MAGI2: variants seen among roughly 807,000 people sequenced by gnomAD.
MAGI2 encodes membrane-associated guanylate kinase, WW and PDZ domain-containing protein 2.
MAGI2 carries 35 observed loss-of-function variants against 133.3 expected under a neutral mutation model. The observed-to-expected ratio is 0.26, with a 90% CI of 0.20 to 0.35. MAGI2 has a LOEUF of 0.35. MAGI2 is among the 10% of genes least tolerant of loss of function. The pLI, the probability that MAGI2 is intolerant of heterozygous loss-of-function variation, is 1.00. For missense variants in MAGI2, 1,636 were observed against 1,863.4 expected, an observed-to-expected ratio of 0.88 and a Z score of 2.25; for synonymous variants, 729 against 710.6, an observed-to-expected ratio of 1.03 and a Z score of -0.41.
chr7:78,639,233 T>C (rs749154442), intron 2 of MAGI2, among the ~76,000 whole-genome samples: 2 of 152,198 alleles, frequency 1.3e-5, no homozygotes, highest in Non-Finnish European at 1.5e-5. Context: ...GTCTACAGAG[T>C]ATCAGAAAAT....
At chr7:78,144,041 G>T (rs573700385) in intron 16 of MAGI2, among the ~76,000 whole-genome samples, 166 of 151,540 alleles carry the variant, frequency 1.1e-3, no homozygotes, top group African/African-American at 3.7e-3. Flanking sequence ...CAATTTAAGA[G>T]ACTTATAGCA....
chr7:78,823,803 G>A (rs2151430642), intron 2 of MAGI2, among the ~76,000 whole-genome samples: 1 of 152,148 alleles, frequency 6.6e-6, no homozygotes, highest in African/African-American at 2.4e-5. Context: ...TGGCAAATAA[G>A]CAATCAAGTC....
intron 3 of MAGI2, among the ~76,000 whole-genome samples, chr7:78,610,686 T>C (rs1032913718): frequency 1.3e-5 from 2 of 152,228 alleles, no homozygotes; most frequent in Non-Finnish European, 2.9e-5. Context: ...TTTCCAAACT[T>C]GTTTGACCAC....
chr7:78,137,672 C>T (rs111824802), intron 16 of MAGI2, among the ~76,000 whole-genome samples: 219 of 152,262 alleles, frequency 1.4e-3, no homozygotes, highest in Admixed American at 2.1e-3. Context: ...GTGGATTAGA[C>T]AGACACTGGA....
At chr7:78,125,365 A>G (rs10486841) in intron 20 of MAGI2, among the ~76,000 whole-genome samples, 17,874 of 152,294 alleles carry the variant, frequency 0.12, 1,386 homozygotes, top group Non-Finnish European at 0.18. Context: ...TTCAACCTTA[A>G]TCAAAACAGA....
At chr7:79,412,710 A>G (rs935239557) in intron 1 of MAGI2, 5 of 152,150 alleles carry the variant, frequency 3.3e-5, no homozygotes, top group African/African-American at 1.2e-4. Flanking sequence ...GTAACACAAT[A>G]ATTTCACATT....
At chr7:79,113,062 T>C (rs1262874489) in intron 1 of MAGI2, among the ~76,000 whole-genome samples, 9 of 152,240 alleles carry the variant, frequency 5.9e-5, no homozygotes, top group Non-Finnish European at 2.9e-5. Context: ...TTATTGTCTA[T>C]GCTTTGGCAG....
At chr7:79,367,858 C>CACATATATATATATATATATATATAT in intron 1 of MAGI2, among the ~76,000 whole-genome samples, 2 of 87,142 alleles carry the variant, frequency 2.3e-5, no homozygotes, top group African/African-American at 9.3e-5. Flanking sequence ...ATATATGTGA[C>CACATATATATATATATATATATATAT]ATATATATAT....
intron 6 of MAGI2, among the ~76,000 whole-genome samples, chr7:78,462,575 A>G (rs1357378811): frequency 6.6e-6 from 1 of 152,260 alleles, no homozygotes; most frequent in Non-Finnish European, 1.5e-5. Flanking sequence ...TTAAATCTAA[A>G]GAAGGTGCCT....
intron 2 of MAGI2, among the ~76,000 whole-genome samples, chr7:78,858,591 G>T (rs1405218716): frequency 6.6e-6 from 1 of 152,124 alleles, no homozygotes; most frequent in Non-Finnish European, 1.5e-5. Flanking sequence ...CTGAGTTCTA[G>T]TTTGATTGCA....
intron 21 of MAGI2, among the ~76,000 whole-genome samples, chr7:78,066,474 A>T (rs1210597325): frequency 6.6e-6 from 1 of 151,966 alleles, no homozygotes; most frequent in Non-Finnish European, 1.5e-5. Flanking sequence ...AAAAAAAAAA[A>T]AATTCATAGT....
At chr7:79,214,403 C>CTATA (rs1563003342) in intron 1 of MAGI2, among the ~76,000 whole-genome samples, 24 of 41,444 alleles carry the variant, frequency 5.8e-4, no homozygotes, top group South Asian at 9.7e-4. Context: ...CTCTCTCTCT[C>CTATA]TCTCTATATA....
chr7:78,853,938 T>C (rs922023948), intron 2 of MAGI2, among the ~76,000 whole-genome samples: 2 of 142,632 alleles, frequency 1.4e-5, no homozygotes, highest in Non-Finnish European at 3.1e-5. Context: ...GAAAATCTAC[T>C]GCTGTTATGT....
In MAGI2 at chr7:78,709,448, T is replaced by C. The variant is rs185901586; in HGVS notation, c.419-82209A>G. Reference sequence around the variant, plus strand: ...CAATACTTACCTGTGATTTCATCTTTGGTAGGAAGCTTTCTTAGACATCTC... The same window carrying C: ...CAATACTTACCTGTGATTTCATCTTCGGTAGGAAGCTTTCTTAGACATCTC... On this transcript the variant is annotated intron_variant, in intron 2 of 21. Coordinates refer to ENST00000354212, the MANE Select transcript of MAGI2 (RefSeq NM_012301.4). 2.6e-5 allele frequency among the ~76,000 whole-genome samples: 4 copies of C among 152,340 alleles called. No individual in the cohort carries two copies. The East Asian group carries it at 7.7e-4, about 29-fold the overall frequency.
At chr7:78,799,174 C>T (rs1375397909) in intron 2 of MAGI2, among the ~76,000 whole-genome samples, 1 of 152,106 alleles carries the variant, frequency 6.6e-6, no homozygotes, top group African/African-American at 2.4e-5. Flanking sequence ...GCCTGATATA[C>T]TACAGTTTTC....
intron 1 of MAGI2, among the ~76,000 whole-genome samples, chr7:79,136,016 A>AGAAG (rs1821434118): frequency 1.7e-5 from 2 of 119,584 alleles, no homozygotes; most frequent in Non-Finnish European, 3.4e-5. Context: ...AAAGAAAGAA[A>AGAAG]GAAAGAAAGA....
intron 2 of MAGI2, among the ~76,000 whole-genome samples, chr7:78,645,640 G>GGTGTGTGT (rs59287974): frequency 4.1e-5 from 6 of 147,348 alleles, no homozygotes; most frequent in African/African-American, 5.0e-5. Context: ...ATATAAGTGT[G>GGTGTGTGT]GTGTGTGTGT....
chr7:78,228,118 CAACTCCT>C (rs963139327), intron 10 of MAGI2, among the ~76,000 whole-genome samples: 1 of 152,132 alleles, frequency 6.6e-6, no homozygotes, highest in African/African-American at 2.4e-5. Flanking sequence ...GAATTTTGTA[CAACTCCT>C]ACCTGTTACA....
intron 1 of MAGI2, among the ~76,000 whole-genome samples, chr7:79,123,224 TTATAGAC>T (rs1172697917): frequency 6.6e-6 from 1 of 152,214 alleles, no homozygotes; most frequent in Admixed American, 6.5e-5. Flanking sequence ...AGAACATCCT[TTATAGAC>T]TATGATAAGT....
Sources: gnomAD v4.1 joint callset for allele counts (sites outside exome capture counted in the v4.1 genomes callset) on GRCh38, gnomAD v4.1.1 for gene constraint, MANE v1.5 for transcripts, NCBI Gene and HGNC (gene_info 2026-07-23, HGNC 2026-07-21) for gene names.